The following KRT73 variants were observed in gnomAD, a reference collection of about 807,000 sequenced individuals.
KRT73 encodes keratin, type II cytoskeletal 73.
Under a neutral mutation model 47.2 loss-of-function variants are expected in KRT73, and 44 were observed. The ratio of observed to expected loss-of-function variants is 0.93; its 90% CI spans 0.73 to 1.20. KRT73 has a LOEUF of 1.20. Among genes scored for constraint, KRT73 ranks in the 50% most tolerant of loss-of-function variants. KRT73 has a pLI of 0.00. For synonymous variants in KRT73, 285 were observed against 291.3 expected, an observed-to-expected ratio of 0.98 and a Z score of 0.22; for missense variants, 713 against 704.5, an observed-to-expected ratio of 1.01 and a Z score of -0.14.
chr12:52,624,542 C>T, the KRT73 span, among the ~76,000 whole-genome samples: 1 of 152,018 alleles, frequency 6.6e-6, no homozygotes, highest in Non-Finnish European at 1.5e-5. Flanking sequence ...TTGTAAATAA[C>T]TTAAACCATA....
chr12:52,619,080 T>C (rs374008215), upstream of KRT73, among the ~76,000 whole-genome samples: 4 of 152,342 alleles, frequency 2.6e-5, no homozygotes, highest in East Asian at 5.8e-4. Flanking sequence ...AGGAGCACAC[T>C]GGGAATCCAG....
intron 5 of KRT73, among the ~76,000 whole-genome samples, chr12:52,611,915 A>C (rs1481025469): frequency 2.0e-5 from 3 of 152,088 alleles, no homozygotes; most frequent in African/African-American, 7.2e-5. Flanking sequence ...GTGCAATTCT[A>C]TTCCGTTGCC....
rs1940857312 is a variant in KRT73, at chr12:52,618,458, C to T, written c.67G>A (p.Val23Met). ...AKGGFSGCSA[V>M]LSGGSSSSYR... ...GAGGATGAGCTGCCCCCTGAGAGCACAGCGGAGCAGCCGCTGAAGCCCCCC... is the reference window on the plus strand; with the variant it reads ...GAGGATGAGCTGCCCCCTGAGAGCATAGCGGAGCAGCCGCTGAAGCCCCCC... The change falls in exon 1 of 9, where the codon GTG becomes ATG. Residue 23 changes from valine (V) to methionine (M), a missense_variant. Coordinates refer to ENST00000305748, the MANE Select transcript of KRT73 (RefSeq NM_175068.3). The T allele has an allele frequency of 1.2e-6, 2 of 1,613,400 alleles. No individual in the cohort carries two copies. Among genetic ancestry groups the T allele is most frequent in the Non-Finnish European group, 1.7e-6 (2 of 1,179,744 alleles).
Position 52,608,389 on chromosome 12 carries a change from G to A in KRT73, c.1430C>T (p.Ala477Val), listed in dbSNP as rs759557349. The part of the protein sequence containing the change: ...GTGAGFGFSN[A>V]GTYGYWPSSV... The stretch of plus-strand genomic sequence containing the variant: ...GCTGGGCCAGTAGCCGTAGGTGCCA[G>A]CATTGCTGAATCCAAAGCCAGCCCC... The change falls in exon 9 of 9, where the codon GCT (alanine) becomes GTT (valine). Residue 477 changes from alanine to valine, a missense_variant. By Grantham distance (64) the Ala-to-Val change is moderately conservative. Coordinates refer to ENST00000305748, the MANE Select transcript of KRT73 (RefSeq NM_175068.3). The A allele has an allele frequency of 7.4e-6, 12 of 1,612,826 alleles. No individual in the cohort carries two copies. The African/African-American group carries it at 1.5e-4, about 20-fold the overall frequency.
In KRT73 at chr12:52,618,356, T is replaced by A; in HGVS notation, c.169A>T (p.Ile57Phe). Residue 57 changes from isoleucine to phenylalanine, a missense_variant, in exon 1 of 9, where the codon ATC becomes TTC. Transcript: ENST00000305748. ...SLYSLGGARS[I>F]SFNVASGSGW... ...CTGCCACTGGCCACATTGAAAGAGA[T>A]GCTCCGGGCACCCCCCAGGCTGTAA... 6.2e-7 allele frequency: 1 copy of A among 1,614,142 alleles called. No individual in the cohort carries two copies.
chr12:52,616,030 C>T (rs910917097), intron 2 of KRT73, 136 bp downstream of exon 2: 17 of 1,030,752 alleles, frequency 1.6e-5, no homozygotes, highest in Middle Eastern at 3.1e-4. Context: ...TAGTCTGCCT[C>T]GTTGCCCATA....
At chr12:52,612,204 G>A (rs1940717466) in intron 5 of KRT73, 1 of 152,232 alleles carries the variant, frequency 6.6e-6, no homozygotes, top group South Asian at 2.1e-4. Context: ...TGGGATGGAG[G>A]GAGGGATTAG....
Position 52,608,469 on chromosome 12 carries a change from G to C in KRT73, c.1367-17C>G. ...TGATGACCGCTGCAGAGGAGGGAGG[G>C]ACGAGTGATCAGTGTATATCCCAGG... On this transcript the variant is annotated splice_polypyrimidine_tract_variant and intron_variant, in intron 8 of 8. Coordinates refer to ENST00000305748, the MANE Select transcript of KRT73 (RefSeq NM_175068.3). The C allele has an allele frequency of 6.3e-7, 1 of 1,597,640 alleles. No homozygotes were observed. Among genetic ancestry groups the C allele is most frequent in the Non-Finnish European group, 8.5e-7 (1 of 1,174,566 alleles).
chr12:52,628,051 G>C, the KRT73 span, among the ~76,000 whole-genome samples: 71 of 149,782 alleles, frequency 4.7e-4, no homozygotes, highest in Non-Finnish European at 7.5e-4. Context: ...TTATTGGAGA[G>C]GTGTGGGAGA....
In KRT73 at chr12:52,618,238, G is replaced by C. The variant is rs659436; in HGVS notation, c.287C>G (p.Pro96Arg). 11 of 1,614,142 alleles carry C rather than the reference G, an allele frequency of 6.8e-6. No homozygotes were observed. In the African/African-American group the frequency reaches 1.2e-4, roughly 18 times the overall value. The change falls in exon 1 of 9, where the codon CCG (proline) becomes CGG (arginine). Residue 96 changes from proline (P) to arginine (R), a missense_variant. Physicochemically the swap from Pro to Arg is moderately radical, Grantham distance 103 (BLOSUM62 -2). Transcript: ENST00000305748. The part of the protein sequence containing the change: ...FGSVALGSVC[P>R]SLCPPGGIHQ... ...GATACCCCCGGGCGGGCACAACGAC[G>C]GACACACGGACCCCAAGGCCACACT... is the stretch of plus-strand genomic sequence containing the variant.
upstream of KRT73, among the ~76,000 whole-genome samples, chr12:52,619,580 C>G (rs1224975411): frequency 2.6e-5 from 4 of 152,166 alleles, no homozygotes; most frequent in African/African-American, 9.7e-5. Flanking sequence ...TCCGTCCAAC[C>G]AGCCAGCCAG....
chr12:52,624,852 A>G, the KRT73 span, among the ~76,000 whole-genome samples: 1 of 152,062 alleles, frequency 6.6e-6, no homozygotes. Context: ...GACCTCAACT[A>G]GTTTCTGACA....
At chr12:52,630,619 G>GA in the KRT73 span, among the ~76,000 whole-genome samples, 634 of 151,844 alleles carry the variant, frequency 4.2e-3, 2 homozygotes, top group African/African-American at 0.014. Context: ...AGAAAAATTG[G>GA]AAAAAAAATC....
At chr12:52,626,663 G>A in the KRT73 span, among the ~76,000 whole-genome samples, 3 of 152,176 alleles carry the variant, frequency 2.0e-5, no homozygotes, top group Admixed American at 6.5e-5. Context: ...AAGGAGAAAG[G>A]ATAAGGGGCG....
chr12:52,626,672 CG>C, the KRT73 span, among the ~76,000 whole-genome samples: 1 of 151,996 alleles, frequency 6.6e-6, no homozygotes, highest in African/African-American at 2.4e-5. Flanking sequence ...GGATAAGGGG[CG>C]GGGTGGGGAG....
the KRT73 span, among the ~76,000 whole-genome samples, chr12:52,630,686 T>C: frequency 6.6e-6 from 1 of 152,190 alleles, no homozygotes; most frequent in African/African-American, 2.4e-5. Context: ...TGGGGTCCCA[T>C]CTGTTTCCTG....
At chr12:52,610,548 C>CCCCCCCCCCCCCCCGG in intron 7 of KRT73, 67 bp downstream of exon 7, 3 of 987,976 alleles carry the variant, frequency 3.0e-6, no homozygotes, top group Non-Finnish European at 4.4e-6. Context: ...CCCCCGCCCC[C>CCCCCCCCCCCCCCCGG]AACCACACTC....
chr12:52,625,755 AAC>A, the KRT73 span, among the ~76,000 whole-genome samples: 1 of 152,208 alleles, frequency 6.6e-6, no homozygotes, highest in African/African-American at 2.4e-5. Context: ...ATGGGTGGCA[AAC>A]CGTGGTACAT....
At chr12:52,628,796 A>G in the KRT73 span, among the ~76,000 whole-genome samples, 1 of 152,294 alleles carries the variant, frequency 6.6e-6, no homozygotes, top group South Asian at 2.1e-4. Flanking sequence ...GGAGAAAAGA[A>G]AAAGAATTTG....
Sources: allele counts gnomAD v4.1 joint callset (sites outside exome capture counted in the v4.1 genomes callset), GRCh38; gene constraint gnomAD v4.1.1; transcripts MANE v1.5; gene names NCBI Gene and HGNC (gene_info 2026-07-23, HGNC 2026-07-21).